Variants in MAGEB2 observed in about 807,000 individuals in gnomAD.
MAGEB2 encodes the protein melanoma-associated antigen B2.
For synonymous variants in MAGEB2, 107 were observed against 96.2 expected, an observed-to-expected ratio of 1.11 and a Z score of -0.66; for missense variants, 365 against 243.2, an observed-to-expected ratio of 1.50 and a Z score of -3.33.
In MAGEB2 at chrX:30,215,574, G is replaced by A. The variant is rs1456687890; in HGVS notation, c.-87G>A. ...TGTGGCTCATCCTGACTTCCGCTTT[G>A]GAGGCGAGGACCCGAGCGAGTGTAG... On this transcript the variant is annotated 5_prime_UTR_variant, in exon 1 of 2. Coordinates refer to ENST00000378988, the MANE Select transcript of MAGEB2 (RefSeq NM_002364.5). 1 of 110,587 alleles carries A rather than the reference G, an allele frequency of 9.0e-6. No homozygotes were observed. Among genetic ancestry groups the A allele is most frequent in the South Asian group, 4.0e-4 (1 of 2,515 alleles). The allele number at this position is 110,587 out of a possible 1,213,427, so 9.1% of individuals were successfully genotyped here.
In MAGEB2 at chrX:30,218,902, G is replaced by A. The variant is rs368561784; in HGVS notation, c.322G>A (p.Glu108Lys). 78 of 1,208,712 alleles carry A rather than the reference G, an allele frequency of 6.5e-5. No individual in the cohort carries two copies. The highest frequency in any genetic ancestry group is 8.3e-5 in the Non-Finnish European group (74 of 894,333). ...CTCAACATCCACTAAGAGCCCAAGC[G>A]AAGATCCTCTAACCAGGAAGTCAGG... ...QASTSTKSPS[E>K]DPLTRKSGSL... Residue 108 changes from glutamate (E) to lysine (K), a missense_variant, in exon 2 of 2, where the codon GAA (glutamate) becomes AAA (lysine). Physicochemically the swap from Glu to Lys is moderately conservative, Grantham distance 56. Transcript: ENST00000378988.
chrX:30,217,498 T>A (rs1046200059), intron 1 of MAGEB2, among the ~76,000 whole-genome samples: 23 of 112,262 alleles, frequency 2.0e-4, no homozygotes, highest in Non-Finnish European at 3.9e-4. Flanking sequence ...ACCTCCAACA[T>A]TGAGGATTAC....
intron 1 of MAGEB2, among the ~76,000 whole-genome samples, chrX:30,217,460 A>G (rs769444637): frequency 8.9e-6 from 1 of 112,117 alleles, no homozygotes; most frequent in South Asian, 3.8e-4. Flanking sequence ...ACCTGCCCTC[A>G]TGATCCAGTC....
At chrX:30,218,070 A>G (rs1470007082) in intron 1 of MAGEB2, among the ~76,000 whole-genome samples, 2 of 110,654 alleles carry the variant, frequency 1.8e-5, no homozygotes, top group South Asian at 3.9e-4. Flanking sequence ...CCAAGACATC[A>G]AAGACCCCAC....
rs1019744871 is a variant in MAGEB2 at position 30,219,214 on chromosome X, T to G, written c.634T>G (p.Phe212Val). ...KLLMPLLGVI[F>V]LNGNSATEEE... is the part of the protein sequence containing the mutation. ...TCTGATGCCTCTCCTGGGTGTGATC[T>G]TCTTAAATGGCAACTCAGCTACTGA... Residue 212 changes from phenylalanine (F) to valine (V), a missense_variant, in exon 2 of 2, where the codon TTC becomes GTC. Physicochemically the swap from Phe to Val is conservative, Grantham distance 50. Transcript: ENST00000378988. 1 of 1,209,174 alleles carries G rather than the reference T, an allele frequency of 8.3e-7. No individual in the cohort carries two copies. The highest frequency in any genetic ancestry group is 1.1e-6 in the Non-Finnish European group (1 of 894,690).
Position 30,219,013 on chromosome X carries a change from T to A in MAGEB2, c.433T>A (p.Phe145Ile). The A allele has an allele frequency of 8.3e-7, 1 of 1,210,776 alleles. No homozygotes were observed. The highest frequency in any genetic ancestry group is 1.1e-6 in the Non-Finnish European group (1 of 895,010). The change falls in exon 2 of 2, where the codon TTC becomes ATC. Residue 145 changes from phenylalanine to isoleucine, a missense_variant. By Grantham distance (21) the Phe-to-Ile change is conservative. Transcript: ENST00000378988. ...GEMLKIVGKRFREHFPEILKK... is the reference protein window; with the variant it reads ...GEMLKIVGKRIREHFPEILKK... ...AATGCTGAAAATTGTTGGCAAAAGG[T>A]TCAGGGAGCACTTCCCTGAGATCCT... is the stretch of plus-strand genomic sequence containing the variant.
intron 1 of MAGEB2, among the ~76,000 whole-genome samples, chrX:30,216,778 G>A (rs926752174): frequency 1.8e-5 from 2 of 108,580 alleles, no homozygotes; most frequent in South Asian, 4.1e-4. Context: ...CCAGCTACTC[G>A]GGAGGCTGAG....
At chrX:30,216,983 C>T (rs1234853147) in intron 1 of MAGEB2, among the ~76,000 whole-genome samples, 2 of 108,973 alleles carry the variant, frequency 1.8e-5, no homozygotes, top group Non-Finnish European at 3.8e-5. Flanking sequence ...CTGCAGGGGG[C>T]TCCCACCCCA....
chrX:30,217,316 G>C (rs1347041845), intron 1 of MAGEB2, among the ~76,000 whole-genome samples: 1 of 111,932 alleles, frequency 8.9e-6, no homozygotes, highest in Non-Finnish European at 1.9e-5. Context: ...CATGGCAGAA[G>C]GGGAAGGGGA....
chrX:30,219,519 T>C lies in MAGEB2; in HGVS notation c.939T>C (p.Asp313=), dbSNP rs1924510829. The C allele has an allele frequency of 8.3e-7, 1 of 1,203,102 alleles. No individual in the cohort carries two copies. The highest frequency in any genetic ancestry group is 1.1e-6 in the Non-Finnish European group (1 of 890,826). Residue 313 remains aspartate, a synonymous_variant, in exon 2 of 2, where the codon GAT becomes GAC. Coordinates refer to ENST00000378988, the MANE Select transcript of MAGEB2 (RefSeq NM_002364.5). ...FPTHYEEALK[D]EEKAGV is the part of the protein sequence containing the mutation. ...CCCATTACGAAGAAGCTTTGAAAGATGAAGAGAAAGCCGGAGTCTGAGCCA... is the reference window on the plus strand; with the variant it reads ...CCCATTACGAAGAAGCTTTGAAAGACGAAGAGAAAGCCGGAGTCTGAGCCA...
chrX:30,219,061 A>T lies in MAGEB2; in HGVS notation c.481A>T (p.Ser161Cys). Reference protein sequence around the residue: ...EILKKASEGLSVVFGLELNKV... With the variant: ...EILKKASEGLCVVFGLELNKV... Reference sequence around the variant, plus strand: ...CCTCAAGAAAGCCTCTGAGGGCCTCAGTGTTGTCTTTGGCCTTGAGCTGAA... The same window carrying T: ...CCTCAAGAAAGCCTCTGAGGGCCTCTGTGTTGTCTTTGGCCTTGAGCTGAA... Residue 161 changes from serine (S) to cysteine (C), a missense_variant, in exon 2 of 2, where the codon AGT becomes TGT. Coordinates refer to ENST00000378988, the MANE Select transcript of MAGEB2 (RefSeq NM_002364.5). The T allele has an allele frequency of 8.3e-7, 1 of 1,211,126 alleles. No homozygotes were observed. Among genetic ancestry groups the T allele is most frequent in the East Asian group, 3.0e-5 (1 of 33,826 alleles).
chrX:30,219,319 C>G lies in MAGEB2; in HGVS notation c.739C>G (p.Leu247Val). The change falls in exon 2 of 2, where the codon CTC becomes GTC. Residue 247 changes from leucine to valine, a missense_variant. Transcript: ENST00000378988. ...EHSVFGEPWK[L>V]ITKDLVQEKY... is the part of the protein sequence containing the mutation. ...CTCAGTCTTTGGGGAACCCTGGAAG[C>G]TCATCACCAAAGATCTGGTGCAGGA... The G allele has an allele frequency of 8.3e-7, 1 of 1,211,427 alleles. No homozygotes were observed. Among genetic ancestry groups the G allele is most frequent in the Non-Finnish European group, 1.1e-6 (1 of 895,070 alleles).
In MAGEB2 at chrX:30,218,888, C is replaced by G; in HGVS notation, c.308C>G (p.Thr103Ser). Residue 103 changes from threonine to serine, a missense_variant, in exon 2 of 2, where the codon ACT becomes AGT. Physicochemically the swap from Thr to Ser is moderately conservative, Grantham distance 58 (BLOSUM62 1). Transcript: ENST00000378988. The part of the protein sequence containing the change: ...NASSSQASTS[T>S]KSPSEDPLTR... ...AGTTCCTCCCAGGCCTCAACATCCACTAAGAGCCCAAGCGAAGATCCTCTA... is the reference window on the plus strand; with the variant it reads ...AGTTCCTCCCAGGCCTCAACATCCAGTAAGAGCCCAAGCGAAGATCCTCTA... 1 of 1,209,332 alleles carries G rather than the reference C, an allele frequency of 8.3e-7. No individual in the cohort carries two copies. The highest frequency in any genetic ancestry group is 1.1e-6 in the Non-Finnish European group (1 of 893,957).
rs1284590803 is a variant in MAGEB2, at chrX:30,218,634, C to G, written c.54C>G (p.Ala18=). The G allele has an allele frequency of 8.3e-7, 1 of 1,209,494 alleles. No homozygotes were observed. Among genetic ancestry groups the G allele is most frequent in the Non-Finnish European group, 1.1e-6 (1 of 894,942 alleles). Reference sequence around the variant, plus strand: ...GTGCCCGTGAGAAACGCCGCAAGGCCCGAGATGAGACCCGGGGTCTCAATG... The same window carrying G: ...GTGCCCGTGAGAAACGCCGCAAGGCGCGAGATGAGACCCGGGGTCTCAATG... ...KLRAREKRRK[A]RDETRGLNVP... Residue 18 remains alanine (A), a synonymous_variant, in exon 2 of 2, where the codon GCC becomes GCG. Transcript: ENST00000378988.
intron 1 of MAGEB2, among the ~76,000 whole-genome samples, chrX:30,218,250 A>G (rs1261224601): frequency 9.0e-6 from 1 of 111,055 alleles, no homozygotes; most frequent in Admixed American, 9.5e-5. Flanking sequence ...AACTGATAAA[A>G]CCCCAAACAC....
At chrX:30,217,375 G>T (rs769062210) in intron 1 of MAGEB2, among the ~76,000 whole-genome samples, 1 of 111,120 alleles carries the variant, frequency 9.0e-6, no homozygotes, top group Non-Finnish European at 1.9e-5. Flanking sequence ...CAGGGGAGGC[G>T]CTACACACTT....
In MAGEB2 at chrX:30,218,992, C is replaced by T; in HGVS notation, c.412C>T (p.Leu138=). 8.3e-7 allele frequency: 1 copy of T among 1,210,685 alleles called. No homozygotes were observed. Among genetic ancestry groups the T allele is most frequent in the Non-Finnish European group, 1.1e-6 (1 of 894,948 alleles). Residue 138 remains leucine, a synonymous_variant, in exon 2 of 2, where the codon CTG becomes TTG. Transcript: ENST00000378988. The part of the protein sequence containing the change: ...IKKSVTKGEM[L]KIVGKRFREH... ...AAAGTCCGTTACAAAGGGAGAAATG[C>T]TGAAAATTGTTGGCAAAAGGTTCAG...
chrX:30,218,697 C>T lies in MAGEB2; in HGVS notation c.117C>T (p.Pro39=). 1 of 1,205,477 alleles carries T rather than the reference C, an allele frequency of 8.3e-7. No homozygotes were observed. The highest frequency in any genetic ancestry group is 1.1e-6 in the Non-Finnish European group (1 of 891,764). The change falls in exon 2 of 2, where the codon CCC becomes CCT. Residue 39 remains proline, a synonymous_variant. Transcript: ENST00000378988. ...QVTEAEEEEA[P]CCSSSVSGGA... The stretch of plus-strand genomic sequence containing the variant: ...CTGAAGCAGAGGAAGAAGAGGCCCC[C>T]TGCTGTTCCTCTTCTGTTTCTGGGG...
Position 30,219,582 on chromosome X carries a change from T to C in MAGEB2, c.*42T>C, listed in dbSNP as rs143715628. On this transcript the variant is annotated 3_prime_UTR_variant, in exon 2 of 2. Transcript: ENST00000378988. ...GGCCTTGCACTACTGCCATAGCCAA[T>C]CAATCTCCCAAAGCCAAGTTTACCT... 3.0e-4 allele frequency: 333 copies of C among 1,116,750 alleles called. No individual in the cohort carries two copies. In the African/African-American group the frequency reaches 5.1e-3, roughly 17 times the overall value. 92.0% of individuals were successfully genotyped at this position (1,116,750 alleles called of 1,213,427 possible). A position where few individuals can be genotyped will look rare whatever the true frequency, so the allele number is the denominator to read the frequency against.
Sources: allele counts gnomAD v4.1 joint callset (sites outside exome capture counted in the v4.1 genomes callset), GRCh38; gene constraint gnomAD v4.1.1; transcripts MANE v1.5; gene names NCBI Gene and HGNC (gene_info 2026-07-23, HGNC 2026-07-21).